Variants in PRELID2 observed in about 807,000 individuals in gnomAD.
The protein encoded by PRELID2 is PRELI domain-containing protein 2.
In PRELID2, 25 loss-of-function variants were observed where a neutral mutation model predicts 28.4. The ratio of observed to expected loss-of-function variants is 0.88; its 90% CI spans 0.64 to 1.23. The LOEUF (loss-of-function observed/expected upper bound fraction) is 1.23, where lower values mean the gene tolerates loss of function less well. PRELID2 is among the 50% of genes most tolerant of loss of function. PRELID2 has a pLI of 0.00. For missense variants in PRELID2, 201 were observed against 214.4 expected (o/e 0.94, Z 0.39); for synonymous variants, 76 against 71.6 (o/e 1.06, Z -0.31).
At chr5:145,640,369 G>C (rs1386741495) in intron 1 of PRELID2, among the ~76,000 whole-genome samples, 1 of 150,482 alleles carries the variant, frequency 6.6e-6, no homozygotes, top group Non-Finnish European at 1.5e-5. Context: ...CCAGCTACTC[G>C]GGAGGCTGAG....
intron 1 of PRELID2, among the ~76,000 whole-genome samples, chr5:145,707,917 C>T (rs1755590797): frequency 6.6e-6 from 1 of 152,138 alleles, no homozygotes; most frequent in South Asian, 2.1e-4. Flanking sequence ...TGACCTCAGC[C>T]CCCACCCCAC....
the PRELID2 span, among the ~76,000 whole-genome samples, chr5:145,319,522 T>A: frequency 4.6e-5 from 7 of 151,722 alleles, no homozygotes; most frequent in East Asian, 7.8e-4. Context: ...TACAAAAAAA[T>A]TAGCCAGGTG....
At chr5:145,550,430 G>T (rs1258058733) in intron 1 of PRELID2, among the ~76,000 whole-genome samples, 1 of 152,118 alleles carries the variant, frequency 6.6e-6, no homozygotes, top group African/African-American at 2.4e-5. Context: ...TGTAAGATTA[G>T]CCAGGTGTGG....
intron 4 of PRELID2, among the ~76,000 whole-genome samples, chr5:145,802,648 A>T (rs936097209): frequency 6.6e-5 from 10 of 152,148 alleles, no homozygotes; most frequent in Non-Finnish European, 1.5e-4. Flanking sequence ...GCCACCTAAA[A>T]AATCTGAGAG....
the PRELID2 span, among the ~76,000 whole-genome samples, chr5:145,389,807 C>A: frequency 2.0e-5 from 3 of 152,138 alleles, no homozygotes; most frequent in East Asian, 5.8e-4. Flanking sequence ...GGTATACGAA[C>A]AATACTTTCA....
chr5:145,301,881 T>G, the PRELID2 span, among the ~76,000 whole-genome samples: 1 of 151,788 alleles, frequency 6.6e-6, no homozygotes, highest in Non-Finnish European at 1.5e-5. Context: ...TGTAGCTTTT[T>G]ATTAATTCTT....
At chr5:145,439,626 G>C in the PRELID2 span, among the ~76,000 whole-genome samples, 1 of 152,088 alleles carries the variant, frequency 6.6e-6, no homozygotes, top group African/African-American at 2.4e-5. Context: ...TGGCCTCACT[G>C]TTCTAGTTAC....
chr5:145,383,528 TAC>T, the PRELID2 span, among the ~76,000 whole-genome samples: 3 of 150,250 alleles, frequency 2.0e-5, no homozygotes, highest in Admixed American at 1.3e-4. Flanking sequence ...ATATAAAAAC[TAC>T]AGTCAGATGA....
the PRELID2 span, among the ~76,000 whole-genome samples, chr5:145,378,255 T>C: frequency 2.6e-5 from 4 of 152,294 alleles, no homozygotes; most frequent in Admixed American, 6.5e-5. Flanking sequence ...AATTTGCTGA[T>C]TGTGTGTCTT....
intron 1 of PRELID2, among the ~76,000 whole-genome samples, chr5:145,478,466 G>A (rs140114566): frequency 1.9e-4 from 29 of 152,072 alleles, no homozygotes; most frequent in African/African-American, 6.0e-4. Context: ...CAGGAGAATC[G>A]CTTGAACCAA....
intron 1 of PRELID2, among the ~76,000 whole-genome samples, chr5:145,582,954 T>C (rs571924508): frequency 4.6e-5 from 7 of 152,244 alleles, no homozygotes; most frequent in African/African-American, 1.7e-4. Flanking sequence ...GCCAGCTTAA[T>C]CCTGATACCA....
intron 1 of PRELID2, among the ~76,000 whole-genome samples, chr5:145,546,471 T>C (rs1176694039): frequency 6.6e-6 from 1 of 152,100 alleles, no homozygotes; most frequent in Non-Finnish European, 1.5e-5. Flanking sequence ...TGTACACTTG[T>C]AAAAAGGGAA....
intron 1 of PRELID2, among the ~76,000 whole-genome samples, chr5:145,730,625 T>C (rs1320685342): frequency 6.6e-6 from 1 of 152,108 alleles, no homozygotes; most frequent in Non-Finnish European, 1.5e-5. Context: ...ACATCGCAAC[T>C]TTGTTCTGAC....
intron 1 of PRELID2, among the ~76,000 whole-genome samples, chr5:145,600,526 T>A (rs80051813): frequency 2.6e-4 from 39 of 149,708 alleles, no homozygotes; most frequent in Admixed American, 1.1e-3. Flanking sequence ...AATATGAAAC[T>A]CACATATTAA....
intron 1 of PRELID2, among the ~76,000 whole-genome samples, chr5:145,492,710 G>C (rs1169018303): frequency 7.1e-6 from 1 of 141,078 alleles, no homozygotes; most frequent in Non-Finnish European, 1.6e-5. Context: ...TGTGAGATAG[G>C]GTTCAGAAGT....
At chr5:145,413,766 A>G in the PRELID2 span, among the ~76,000 whole-genome samples, 2 of 151,794 alleles carry the variant, frequency 1.3e-5, no homozygotes, top group African/African-American at 4.8e-5. Flanking sequence ...CAACTTTTTT[A>G]GGTTCCATAC....
In PRELID2 at chr5:145,758,620, C is replaced by T. The variant is rs1045035327; in HGVS notation, c.*1916G>A. ...GGGTTAAACTTACTCTAATGTCAAC[C>T]TCCAAATACAAATTTCTTGCCTCTC... On this transcript the variant is annotated 3_prime_UTR_variant, in exon 7 of 7. Coordinates refer to ENST00000683046, the MANE Select transcript of PRELID2 (RefSeq NM_205846.3). Among the ~76,000 whole-genome samples, 2 of 152,126 alleles carry T rather than the reference C, an allele frequency of 1.3e-5. No homozygotes were observed. The highest frequency in any genetic ancestry group is 4.8e-5 in the African/African-American group (2 of 41,430).
chr5:145,727,531 C>T (rs1159642883), intron 1 of PRELID2, among the ~76,000 whole-genome samples: 8 of 152,196 alleles, frequency 5.3e-5, no homozygotes, highest in African/African-American at 1.4e-4. Flanking sequence ...ACCACCACAG[C>T]TATCATTGCT....
chr5:145,234,524 G>A, the PRELID2 span, among the ~76,000 whole-genome samples: 4 of 151,938 alleles, frequency 2.6e-5, no homozygotes, highest in African/African-American at 4.8e-5. Context: ...AAAAAATGTT[G>A]CATTCTAAAC....
Sources: allele counts gnomAD v4.1 joint callset (sites outside exome capture counted in the v4.1 genomes callset), GRCh38; gene constraint gnomAD v4.1.1; transcripts MANE v1.5; gene names NCBI Gene and HGNC (gene_info 2026-07-23, HGNC 2026-07-21).